PCDHA10: variants seen among roughly 807,000 people sequenced by gnomAD.
The protein encoded by PCDHA10 is protocadherin alpha 10, also known as protocadherin alpha-10.
Under a neutral mutation model 61.2 loss-of-function variants are expected in PCDHA10, and 45 were observed. The observed-to-expected ratio is 0.74, with a 90% CI of 0.58 to 0.94. The LOEUF (loss-of-function observed/expected upper bound fraction) is 0.94, where lower values mean the gene tolerates loss of function less well. Among genes scored for constraint, PCDHA10 ranks in the 40% least tolerant of loss-of-function variants. PCDHA10 has a pLI of 0.00. For missense variants in PCDHA10, 1,278 were observed against 1,236.2 expected (o/e 1.03, Z -0.51); for synonymous variants, 602 against 548.8 (o/e 1.10, Z -1.35).
intron 1 of PCDHA10, among the ~76,000 whole-genome samples, chr5:140,962,792 T>C (rs1554226245): frequency 6.6e-6 from 1 of 152,234 alleles, no homozygotes; most frequent in African/African-American, 2.4e-5. Context: ...AAAAACTACT[T>C]TGGACAACTC....
At chr5:140,919,489 T>C (rs1554199092) in intron 1 of PCDHA10, among the ~76,000 whole-genome samples, 2 of 152,222 alleles carry the variant, frequency 1.3e-5, no homozygotes, top group African/African-American at 4.8e-5. Context: ...TTATGTTTGT[T>C]ATTTTACTCC....
At chr5:140,956,403 A>C (rs1475566345) in intron 1 of PCDHA10, among the ~76,000 whole-genome samples, 1 of 152,178 alleles carries the variant, frequency 6.6e-6, no homozygotes, top group African/African-American at 2.4e-5. Context: ...ATCCATTGAG[A>C]TAATCATGTG....
chr5:140,970,400 C>T (rs1586425210), intron 1 of PCDHA10, among the ~76,000 whole-genome samples: 1 of 152,162 alleles, frequency 6.6e-6, no homozygotes, highest in Non-Finnish European at 1.5e-5. Context: ...AAGTGGATGG[C>T]TTACCCTACA....
rs1382379376 is a variant in PCDHA10, at chr5:140,858,936, T to A, written c.2388+500T>A. On this transcript the variant is annotated intron_variant, in intron 1 of 3. Transcript: ENST00000307360. ...TATACTGCCATAGTAGATTTCAATG[T>A]TCAGTGATTACAGCTTTTTCTCAAT... The A allele has an allele frequency of 1.2e-5, 2 of 160,734 alleles. 1 individual carries two copies. Among genetic ancestry groups the A allele is most frequent in the Non-Finnish European group, 2.7e-5 (2 of 74,452 alleles). The allele number at this position is 160,734 out of a possible 1,614,324, so 10.0% of individuals were successfully genotyped here.
intron 2 of PCDHA10, among the ~76,000 whole-genome samples, chr5:140,980,093 G>A (rs1223807762): frequency 2.0e-5 from 3 of 152,166 alleles, no homozygotes; most frequent in South Asian, 2.1e-4. Context: ...AGTTGGCTTG[G>A]TAAGATGTCA....
chr5:140,956,885 T>A (rs1156888418), intron 1 of PCDHA10, among the ~76,000 whole-genome samples: 1 of 152,194 alleles, frequency 6.6e-6, no homozygotes, highest in Non-Finnish European at 1.5e-5. Flanking sequence ...TAGATATCAA[T>A]GAATGAATAT....
intron 1 of PCDHA10, among the ~76,000 whole-genome samples, chr5:140,902,930 A>G (rs1252677303): frequency 1.3e-5 from 2 of 152,190 alleles, no homozygotes; most frequent in Non-Finnish European, 2.9e-5. Context: ...CATGGTGTAT[A>G]TATACCACAT....
At chr5:140,929,935 T>C (rs1253092331) in intron 1 of PCDHA10, 1 of 152,218 alleles carries the variant, frequency 6.6e-6, no homozygotes, top group Non-Finnish European at 1.5e-5. Context: ...CAGTGTATTC[T>C]CTAGCCTATA....
At chr5:140,902,367 T>C (rs2153476761) in intron 1 of PCDHA10, among the ~76,000 whole-genome samples, 1 of 152,142 alleles carries the variant, frequency 6.6e-6, no homozygotes, top group Middle Eastern at 3.4e-3. Flanking sequence ...TTCTCTTGTC[T>C]AATTGCTCTA....
chr5:140,897,701 C>T (rs1161358145), intron 1 of PCDHA10, among the ~76,000 whole-genome samples: 58 of 152,238 alleles, frequency 3.8e-4, no homozygotes, highest in Non-Finnish European at 7.4e-4. Flanking sequence ...TGGGCATATA[C>T]CCAGTAATGG....
At chr5:140,936,351 T>C (rs2090932385) in intron 1 of PCDHA10, among the ~76,000 whole-genome samples, 1 of 152,246 alleles carries the variant, frequency 6.6e-6, no homozygotes, top group African/African-American at 2.4e-5. Flanking sequence ...ATATATGGAA[T>C]GTGTAGCTAC....
At chr5:140,929,281 C>A in intron 1 of PCDHA10, 1 of 1,602,592 alleles carries the variant, frequency 6.2e-7, no homozygotes, top group Non-Finnish European at 8.5e-7. Context: ...ATCCTGTATT[C>A]AGATTCGGAA....
At chr5:140,904,957 A>G (rs2071509370) in intron 1 of PCDHA10, among the ~76,000 whole-genome samples, 1 of 152,156 alleles carries the variant, frequency 6.6e-6, no homozygotes, top group African/African-American at 2.4e-5. Flanking sequence ...TGTCTGATGC[A>G]GAATTTGTGA....
rs868991744 is a variant in PCDHA10, at chr5:140,897,794, G to C, written c.2388+39358G>C. ...CTTCCACAATGGTTGAACTAGTTTA[G>C]AGTCCCACCAACAGTGTAAAAGTGT... On this transcript the variant is annotated intron_variant, in intron 1 of 3. Coordinates refer to ENST00000307360, the MANE Select transcript of PCDHA10 (RefSeq NM_018901.4). 7.2e-4 allele frequency among the ~76,000 whole-genome samples: 109 copies of C among 152,066 alleles called. No homozygotes were observed. The South Asian group carries it at 0.011, about 15-fold the overall frequency.
At chr5:140,875,758 T>C (rs1562702075) in intron 1 of PCDHA10, 1 of 1,614,186 alleles carries the variant, frequency 6.2e-7, no homozygotes. Context: ...CGAGAAGCTG[T>C]GCGGGCGGAG....
chr5:140,856,717 A>T lies in PCDHA10; in HGVS notation c.669A>T (p.Gly223=). Residue 223 remains glycine, a synonymous_variant, in exon 1 of 4, where the codon GGA becomes GGT. Transcript: ENST00000307360. ...ATGGAGGCAAACCTGAATTTACCGG[A>T]TCTGTTTCTCTGCTGATCCTGGTGT... ...ATDGGKPEFT[G]SVSLLILVLD... is the part of the protein sequence containing the mutation. 6.3e-7 allele frequency: 1 copy of T among 1,596,480 alleles called. No individual in the cohort carries two copies. The highest frequency in any genetic ancestry group is 8.6e-7 in the Non-Finnish European group (1 of 1,166,206).
rs1554263082 is a variant in PCDHA10 at position 141,010,709 on chromosome 5, TG to T, written c.*773del. 2 of 154,830 alleles carry T rather than the reference TG, an allele frequency of 1.3e-5. No individual in the cohort carries two copies. Among genetic ancestry groups the T allele is most frequent in the African/African-American group, 2.4e-5 (1 of 41,516 alleles). The allele number at this position is 154,830 out of a possible 1,614,324, so 9.6% of individuals were successfully genotyped here. On this transcript the variant is annotated 3_prime_UTR_variant, in exon 4 of 4. Transcript: ENST00000307360. Reference sequence around the variant, plus strand: ...TCTGATGTGTTTCCTATACATGTCCTGTGCTCACTTTATTAAAAATTCTTTT... The same window carrying T: ...TCTGATGTGTTTCCTATACATGTCCTTGCTCACTTTATTAAAAATTCTTTT...
At chr5:140,889,213 G>A (rs1463412254) in intron 1 of PCDHA10, among the ~76,000 whole-genome samples, 1 of 151,602 alleles carries the variant, frequency 6.6e-6, no homozygotes, top group African/African-American at 2.4e-5. Context: ...TAACAAAGAA[G>A]AATAGTCTTT....
intron 1 of PCDHA10, among the ~76,000 whole-genome samples, chr5:140,900,465 C>T (rs936722061): frequency 1.3e-5 from 2 of 152,156 alleles, no homozygotes; most frequent in Admixed American, 1.3e-4. Context: ...TTAGTAGACA[C>T]GGAGTTTCTC....
Sources: allele counts gnomAD v4.1 joint callset (sites outside exome capture counted in the v4.1 genomes callset), GRCh38; gene constraint gnomAD v4.1.1; transcripts MANE v1.5; gene names NCBI Gene and HGNC (gene_info 2026-07-23, HGNC 2026-07-21).